Variants in IQSEC1 observed in about 807,000 individuals in gnomAD.
IQSEC1 encodes the protein IQ motif and Sec7 domain ArfGEF 1, also known as IQ motif and SEC7 domain-containing protein 1.
Under a neutral mutation model 91.0 loss-of-function variants are expected in IQSEC1, and 31 were observed. The ratio of observed to expected loss-of-function variants is 0.34; its 90% CI spans 0.26 to 0.46. IQSEC1 has a LOEUF of 0.46. Among genes scored for constraint, IQSEC1 ranks in the 20% least tolerant of loss-of-function variants. The pLI is 1.00. For missense variants in IQSEC1, 1,388 were observed against 1,575.6 expected, an observed-to-expected ratio of 0.88 and a Z score of 2.02; for synonymous variants, 699 against 662.6, an observed-to-expected ratio of 1.05 and a Z score of -0.84.
At chr3:12,942,378 G>A (rs556058682) in intron 1 of IQSEC1, among the ~76,000 whole-genome samples, 19 of 152,270 alleles carry the variant, frequency 1.2e-4, no homozygotes, top group African/African-American at 3.9e-4. Flanking sequence ...CGAGGAGGGC[G>A]GATCACGAGG....
intron 2 of IQSEC1, among the ~76,000 whole-genome samples, chr3:13,079,184 G>A (rs1705608240): frequency 6.6e-6 from 1 of 152,254 alleles, no homozygotes; most frequent in Non-Finnish European, 1.5e-5. Context: ...GAGTTGGGCT[G>A]TGTGTAGGGC....
At chr3:13,250,807 C>A (rs115333099) in intron 1 of IQSEC1, among the ~76,000 whole-genome samples, 2 of 151,828 alleles carry the variant, frequency 1.3e-5, no homozygotes, top group Non-Finnish European at 2.9e-5. Flanking sequence ...AGCTTTCCCC[C>A]ACCCCTGCTG....
chr3:12,907,791 T>G (rs1237949696), intron 12 of IQSEC1, among the ~76,000 whole-genome samples: 1 of 152,048 alleles, frequency 6.6e-6, no homozygotes, highest in Non-Finnish European at 1.5e-5. Context: ...AACCACAACA[T>G]CACAGTTCCC....
chr3:13,199,423 T>C (rs971227918), intron 1 of IQSEC1, among the ~76,000 whole-genome samples: 2 of 152,102 alleles, frequency 1.3e-5, no homozygotes, highest in African/African-American at 4.8e-5. Context: ...TCCAGGGACA[T>C]CTGTGCAGAG....
intron 1 of IQSEC1, among the ~76,000 whole-genome samples, chr3:12,999,267 C>T (rs573214792): frequency 1.3e-5 from 2 of 152,230 alleles, no homozygotes; most frequent in African/African-American, 4.8e-5. Flanking sequence ...AGAACCTTCT[C>T]CCTGGAAGAG....
At chr3:13,220,142 C>T (rs970643207) in intron 1 of IQSEC1, among the ~76,000 whole-genome samples, 11 of 152,246 alleles carry the variant, frequency 7.2e-5, no homozygotes, top group African/African-American at 2.2e-4. Context: ...TAAATTGGCA[C>T]GGGTTAGCAT....
intron 2 of IQSEC1, among the ~76,000 whole-genome samples, chr3:13,093,065 T>C (rs1705890774): frequency 6.6e-6 from 1 of 152,054 alleles, no homozygotes; most frequent in Non-Finnish European, 1.5e-5. Context: ...CTTGGGATTA[T>C]TTTAGCCTAA....
chr3:13,064,156 C>T (rs1270740559), intron 1 of IQSEC1, among the ~76,000 whole-genome samples: 1 of 152,148 alleles, frequency 6.6e-6, no homozygotes, highest in South Asian at 2.1e-4. Flanking sequence ...TTGCTTGTAC[C>T]GTGGAGCCTG....
chr3:12,987,983 C>T (rs1473419277), intron 1 of IQSEC1, among the ~76,000 whole-genome samples: 1 of 152,188 alleles, frequency 6.6e-6, no homozygotes, highest in East Asian at 1.9e-4. Flanking sequence ...CAGTATGTGC[C>T]CCAGAGACAG....
chr3:13,105,031 CT>C (rs1314232336), intron 2 of IQSEC1, among the ~76,000 whole-genome samples: 1 of 152,228 alleles, frequency 6.6e-6, no homozygotes, highest in African/African-American at 2.4e-5. Flanking sequence ...AGTCATTTTA[CT>C]TTTAAAACAC....
At chr3:13,021,006 CAGAA>C (rs1271603071) in intron 1 of IQSEC1, among the ~76,000 whole-genome samples, 3 of 152,200 alleles carry the variant, frequency 2.0e-5, no homozygotes, top group African/African-American at 7.2e-5. Context: ...AGAGTGAGGG[CAGAA>C]AGAAAGAGGG....
intron 1 of IQSEC1, among the ~76,000 whole-genome samples, chr3:13,191,501 TTTTTTTTG>T (rs1484051766): frequency 5.7e-5 from 8 of 139,470 alleles, no homozygotes; most frequent in African/African-American, 2.1e-4. Context: ...TTTTTTTTTT[TTTTTTTTG>T]TATTTTTAGT....
intron 1 of IQSEC1, among the ~76,000 whole-genome samples, chr3:12,986,487 C>T (rs1701741287): frequency 1.3e-5 from 2 of 152,218 alleles, no homozygotes; most frequent in African/African-American, 4.8e-5. Context: ...GTGAATCTTT[C>T]CTACCTTGGA....
chr3:13,102,220 G>A (rs1706077850), intron 2 of IQSEC1, among the ~76,000 whole-genome samples: 1 of 152,128 alleles, frequency 6.6e-6, no homozygotes, highest in African/African-American at 2.4e-5. Context: ...CAATGATGGA[G>A]CCCAGGAGTC....
intron 2 of IQSEC1, among the ~76,000 whole-genome samples, chr3:13,130,580 G>A (rs1283263742): frequency 5.3e-5 from 8 of 152,094 alleles, no homozygotes; most frequent in Non-Finnish European, 1.0e-4. Flanking sequence ...TTGGTTGACA[G>A]TGTTGCTAAA....
At chr3:13,167,748 C>G (rs1421344968) in intron 1 of IQSEC1, among the ~76,000 whole-genome samples, 1 of 152,236 alleles carries the variant, frequency 6.6e-6, no homozygotes, top group Non-Finnish European at 1.5e-5. Context: ...GCTCTGGTTC[C>G]TCTTCTGCAG....
intron 1 of IQSEC1, among the ~76,000 whole-genome samples, chr3:13,039,281 G>A (rs556386710): frequency 6.6e-6 from 1 of 152,326 alleles, no homozygotes; most frequent in East Asian, 1.9e-4. Context: ...GAAATAAGCG[G>A]CTCTGCTCCT....
chr3:13,277,291 C>A (rs1318263219), intron 1 of IQSEC1, among the ~76,000 whole-genome samples: 1 of 152,108 alleles, frequency 6.6e-6, no homozygotes, highest in Admixed American at 6.6e-5. Context: ...TCACTCCCCC[C>A]GGCACAGCAA....
At chr3:13,162,017 C>A (rs946582741) in intron 2 of IQSEC1, among the ~76,000 whole-genome samples, 3 of 152,188 alleles carry the variant, frequency 2.0e-5, no homozygotes, top group African/African-American at 7.2e-5. Context: ...GGTTCCACAG[C>A]GCCTGCCTGG....
Sources: gnomAD v4.1 joint callset for allele counts (sites outside exome capture counted in the v4.1 genomes callset) on GRCh38, gnomAD v4.1.1 for gene constraint, MANE v1.5 for transcripts, NCBI Gene and HGNC (gene_info 2026-07-23, HGNC 2026-07-21) for gene names.